EPS8L2: variants seen among roughly 807,000 people sequenced by gnomAD.
The protein encoded by EPS8L2 is epidermal growth factor receptor kinase substrate 8-like protein 2.
Under a neutral mutation model 99.4 loss-of-function variants are expected in EPS8L2, and 81 were observed. The ratio of observed to expected loss-of-function variants is 0.82; its 90% CI spans 0.68 to 0.98. EPS8L2 has a LOEUF of 0.98. Ranked by LOEUF, EPS8L2 falls within the 50% of genes least tolerant of loss-of-function variation. The probability of loss-of-function intolerance (pLI) is 0.00; values close to 1 mark genes in which losing one functional copy is unlikely to be tolerated. For synonymous variants in EPS8L2, 509 were observed against 407.3 expected (o/e 1.25, Z -3.01); for missense variants, 1,155 against 968.8 (o/e 1.19, Z -2.55).
intron 14 of EPS8L2, 96 bp from the exon 15 acceptor site, chr11:723,145 G>A (rs1339042404): frequency 5.9e-6 from 4 of 676,620 alleles, no homozygotes; most frequent in African/African-American, 5.6e-5. Flanking sequence ...TGATGCATCA[G>A]TCACAGGACA....
In EPS8L2 at chr11:722,411, C is replaced by G; in HGVS notation, c.1070C>G (p.Thr357Ser). 1 of 1,613,070 alleles carries G rather than the reference C, an allele frequency of 6.2e-7. No individual in the cohort carries two copies. The highest frequency in any genetic ancestry group is 8.5e-7 in the Non-Finnish European group (1 of 1,179,882). ...LFGPLDLIVNTCSGPDIARSV... is the reference protein window; with the variant it reads ...LFGPLDLIVNSCSGPDIARSV... The stretch of plus-strand genomic sequence containing the variant: ...CTCACTGTGCCCCAGATCGTCAACA[C>G]CTGCAGTGGCCCAGACATCGCACGC... The change falls in exon 13 of 21, where the codon ACC becomes AGC. Residue 357 changes from threonine to serine, a missense_variant. Transcript: ENST00000318562.
rs1862202698 is a variant in EPS8L2 at position 722,343 on chromosome 11, G to A, written c.1060-58G>A. 23 of 1,591,836 alleles carry A rather than the reference G, an allele frequency of 1.4e-5. No individual in the cohort carries two copies. The East Asian group carries it at 4.3e-4, about 29-fold the overall frequency. ...CCGAGGGCCAGCCTGTGGAGCTACG[G>A]GGGTGCTGGGCCAGGGTCTGTGGGC... is the stretch of plus-strand genomic sequence containing the variant. On this transcript the variant is annotated intron_variant, in intron 12 of 20. Transcript: ENST00000318562.
Position 720,187 on chromosome 11 carries a change from C to G in EPS8L2, c.291C>G (p.Asn97Lys), listed in dbSNP as rs139141867. 1.4e-5 allele frequency: 22 copies of G among 1,613,424 alleles called. No individual in the cohort carries two copies. Among genetic ancestry groups the G allele is most frequent in the Non-Finnish European group, 1.8e-5 (21 of 1,179,986 alleles). ...IWTQEMLLQVNDQSLRLLDIE... is the reference protein window; with the variant it reads ...IWTQEMLLQVKDQSLRLLDIE... ...CCCAGGAGATGCTGCTGCAGGTGAA[C>G]GACCAGTCGCTGCGGCTGCTGGACA... Residue 97 changes from asparagine to lysine, a missense_variant, in exon 5 of 21, where the codon AAC becomes AAG. Asn to Lys is a moderately conservative substitution (Grantham distance 94). Transcript: ENST00000318562.
At chr11:726,824 G>A (rs143912793) in intron 20 of EPS8L2, 73 bp downstream of exon 20, 55,002 of 1,583,962 alleles carry the variant, frequency 0.035, 1,117 homozygotes, top group Middle Eastern at 0.059. Context: ...CGTTCCTGGG[G>A]TCGCAGAGCA....
In EPS8L2 at chr11:721,886, G is replaced by A. The variant is rs562923652; in HGVS notation, c.896-17G>A. 8.9e-6 allele frequency: 14 copies of A among 1,572,418 alleles called. No homozygotes were observed. The highest frequency in any genetic ancestry group is 3.5e-5 in the South Asian group (3 of 86,640). ...AGATCAGGGCCAGCCTGGCTCACGC[G>A]GTGCCTCCCATGCCAGAGGGCGTCC... On this transcript the variant is annotated splice_polypyrimidine_tract_variant and intron_variant, in intron 10 of 20. Coordinates refer to ENST00000318562, the MANE Select transcript of EPS8L2 (RefSeq NM_022772.4).
intron 1 of EPS8L2, among the ~76,000 whole-genome samples, chr11:707,206 C>A (rs1413675528): frequency 6.6e-6 from 1 of 152,150 alleles, no homozygotes; most frequent in Non-Finnish European, 1.5e-5. Context: ...CATAGCTCTC[C>A]CACCGGGCCT....
rs1489843649 is a variant in EPS8L2, at chr11:724,725, G to C, written c.1456G>C (p.Gly486Arg). The C allele has an allele frequency of 6.2e-7, 1 of 1,612,650 alleles. No homozygotes were observed. Among genetic ancestry groups the C allele is most frequent in the Non-Finnish European group, 8.5e-7 (1 of 1,179,436 alleles). The change falls in exon 16 of 21, where the codon GGC (glycine) becomes CGC (arginine). Residue 486 changes from glycine to arginine, a missense_variant and splice_region_variant. Physicochemically the swap from Gly to Arg is moderately radical, Grantham distance 125 (BLOSUM62 -2). Transcript: ENST00000318562. The surrounding 1 kb of genome is among the most constrained non-coding windows in gnomAD (Gnocchi z 5.5). Reference sequence around the variant, plus strand: ...CTCAGCCCCTCCTGTTCCTCACAGGGGCTACCAGCCAACACCAGCCATGGC... The same window carrying C: ...CTCAGCCCCTCCTGTTCCTCACAGGCGCTACCAGCCAACACCAGCCATGGC... Reference protein sequence around the residue: ...PPVSSPHTHRGYQPTPAMAKY... With the variant: ...PPVSSPHTHRRYQPTPAMAKY...
rs1387957094 is a variant in EPS8L2, at chr11:722,743, G to A, written c.1279G>A (p.Val427Met). 1.9e-6 allele frequency: 3 copies of A among 1,606,184 alleles called. No homozygotes were observed. The highest frequency in any genetic ancestry group is 1.7e-4 in the Middle Eastern group (1 of 6,054). ...PKFHSGWEPPVDVLQEAPWEV... is the reference protein window; with the variant it reads ...PKFHSGWEPPMDVLQEAPWEV... ...GTTCCACAGCGGCTGGGAGCCTCCTGTGGATGTGCTGCAGGAGGCCCCCTG... is the reference window on the plus strand; with the variant it reads ...GTTCCACAGCGGCTGGGAGCCTCCTATGGATGTGCTGCAGGAGGCCCCCTG... The change falls in exon 14 of 21, where the codon GTG (valine) becomes ATG (methionine). Residue 427 changes from valine to methionine, a missense_variant. Coordinates refer to ENST00000318562, the MANE Select transcript of EPS8L2 (RefSeq NM_022772.4).
At chr11:717,176 C>T (rs185986970) in intron 4 of EPS8L2, among the ~76,000 whole-genome samples, 6 of 152,208 alleles carry the variant, frequency 3.9e-5, no homozygotes, top group African/African-American at 9.6e-5. Context: ...GGGGTATCAC[C>T]GTGTTGGTCA....
chr11:726,582 C>T (rs1355060584), intron 19 of EPS8L2, 37 bp from the exon 20 acceptor site: 11 of 1,526,026 alleles, frequency 7.2e-6, no homozygotes, highest in African/African-American at 1.4e-5. Flanking sequence ...CAGCCTCGCT[C>T]ACAGCGCGGC....
chr11:707,380 T>A (rs1414778666), intron 1 of EPS8L2, among the ~76,000 whole-genome samples: 2 of 152,008 alleles, frequency 1.3e-5, no homozygotes, highest in African/African-American at 4.8e-5. Flanking sequence ...CCCCTGTGAC[T>A]CAGCTGACCC....
At position 720,161 on chromosome 11, in the gene EPS8L2, A is replaced by G; in HGVS notation, c.265A>G (p.Thr89Ala). 6.2e-7 allele frequency: 1 copy of G among 1,613,418 alleles called. No homozygotes were observed. The highest frequency in any genetic ancestry group is 8.5e-7 in the Non-Finnish European group (1 of 1,179,920). ...VQLSSKEKIW[T>A]QEMLLQVNDQ... ...GCTGAGCTCCAAGGAGAAGATCTGG[A>G]CCCAGGAGATGCTGCTGCAGGTGAA... The change falls in exon 5 of 21, where the codon ACC becomes GCC. Residue 89 changes from threonine (T) to alanine (A), a missense_variant. Transcript: ENST00000318562.
chr11:723,207 C>T, intron 14 of EPS8L2, 34 bp from the exon 15 acceptor site: 1 of 1,237,014 alleles, frequency 8.1e-7, no homozygotes, highest in Non-Finnish European at 1.2e-6. Flanking sequence ...AGCCCCGCCC[C>T]ATGTCTAACT....
chr11:722,206 C>T, intron 12 of EPS8L2, 41 bp downstream of exon 12: 2 of 1,597,082 alleles, frequency 1.3e-6, no homozygotes, highest in Non-Finnish European at 1.7e-6. Context: ...GGGTGGGGGC[C>T]CAGAGGCCTC....
intron 18 of EPS8L2, 32 bp from the exon 19 acceptor site, chr11:726,272 C>T: frequency 1.3e-6 from 2 of 1,586,654 alleles, no homozygotes; most frequent in Non-Finnish European, 8.6e-7. Flanking sequence ...AGGGGCAAGG[C>T]AGCGGCGGGC....
intron 4 of EPS8L2, among the ~76,000 whole-genome samples, chr11:711,991 GA>G (rs531234439): frequency 2.6e-4 from 35 of 134,308 alleles, no homozygotes; most frequent in African/African-American, 8.2e-4. Flanking sequence ...TCAAAAAAGA[GA>G]AAAAAAAAAG....
intron 4 of EPS8L2, among the ~76,000 whole-genome samples, chr11:716,162 T>C (rs1490644030): frequency 3.3e-5 from 5 of 150,016 alleles, no homozygotes; most frequent in Non-Finnish European, 7.4e-5. Flanking sequence ...GTTTTTTTTT[T>C]TTTTGAGACA....
At chr11:716,342 G>T (rs1862027401) in intron 4 of EPS8L2, among the ~76,000 whole-genome samples, 1 of 151,996 alleles carries the variant, frequency 6.6e-6, no homozygotes, top group Non-Finnish European at 1.5e-5. Flanking sequence ...TAGAGATAGG[G>T]TTTCACCGTG....
At chr11:713,055 G>A (rs1483255252) in intron 4 of EPS8L2, among the ~76,000 whole-genome samples, 1 of 152,084 alleles carries the variant, frequency 6.6e-6, no homozygotes, top group Admixed American at 6.6e-5. Flanking sequence ...AGAGTGAGGA[G>A]TGGAGGGTGG....
Sources: gnomAD v4.1 joint callset for allele counts (sites outside exome capture counted in the v4.1 genomes callset) on GRCh38, gnomAD v4.1.1 for gene constraint, Gnocchi (gnomAD v3.1) non-coding constraint, MANE v1.5 for transcripts, NCBI Gene and HGNC (gene_info 2026-07-23, HGNC 2026-07-21) for gene names.